The following HK2 variants were observed in gnomAD, a reference collection of about 807,000 sequenced individuals.
The protein encoded by HK2 is hexokinase-2.
A neutral mutation model predicts 92.9 loss-of-function variants in HK2; 42 were observed. The ratio of observed to expected loss-of-function variants is 0.45; its 90% CI spans 0.35 to 0.58. The LOEUF is 0.58. Ranked by LOEUF, HK2 falls within the 20% of genes least tolerant of loss-of-function variation. HK2 has a pLI of 0.00. For missense variants in HK2, 978 were observed against 1,245.1 expected (o/e 0.79, Z 3.23); for synonymous variants, 422 against 468.0 (o/e 0.90, Z 1.27).
rs114255614 is a variant in HK2, at chr2:74,858,515, T to C, written c.226+4060T>C. ...CGGTTTTCTGAGAATTAAGGGAGAA[T>C]CAGATATGTGACTTTCTCACATGTG... On this transcript the variant is annotated intron_variant, in intron 2 of 17. Coordinates refer to ENST00000290573, the MANE Select transcript of HK2 (RefSeq NM_000189.5). Among the ~76,000 whole-genome samples the C allele has an allele frequency of 9.9e-3, 1,505 of 152,268 alleles. 11 individuals carry two copies. The highest frequency in any genetic ancestry group is 0.016 in the Non-Finnish European group (1,108 of 68,026).
chr2:74,866,343 G>A lies in HK2; in HGVS notation c.227-1293G>A, dbSNP rs148783167. On this transcript the variant is annotated intron_variant, in intron 2 of 17. Transcript: ENST00000290573. The stretch of plus-strand genomic sequence containing the variant: ...AAAGGGGTTGAGTGTTGACAAACAT[G>A]CCAATAAGTGAACCCCCCAGGAAAT... Among the ~76,000 whole-genome samples, 242 of 152,294 alleles carry A rather than the reference G, an allele frequency of 1.6e-3. 1 individual carries two copies. Among genetic ancestry groups the A allele is most frequent in the Non-Finnish European group, 2.7e-3 (181 of 68,036 alleles).
At chr2:74,884,864 GC>G (rs1056023220) in intron 12 of HK2, among the ~76,000 whole-genome samples, 1 of 152,194 alleles carries the variant, frequency 6.6e-6, no homozygotes, top group African/African-American at 2.4e-5. Flanking sequence ...AAGGCAAGGG[GC>G]CACTGAGGAT....
intron 6 of HK2, 25 bp from the exon 7 acceptor site, chr2:74,874,241 G>C (rs1689169444): frequency 1.2e-6 from 2 of 1,613,802 alleles, no homozygotes; most frequent in African/African-American, 1.3e-5. Flanking sequence ...GCAGGCGTGT[G>C]CATAGCCGTC....
chr2:74,839,877 C>G (rs1216122019), intron 1 of HK2, among the ~76,000 whole-genome samples: 4 of 150,322 alleles, frequency 2.7e-5, no homozygotes, highest in African/African-American at 9.8e-5. Context: ...TGGTCTCGAT[C>G]TCTTGACCTC....
At position 74,890,905 on chromosome 2, in the gene HK2, T is replaced by C. The variant is rs778357722; in HGVS notation, c.2718T>C (p.Ala906=). ...GSGKGAALIT[A]VACRIREAGQ... ...GGAAGGGGGCGGCGCTCATCACTGCTGTGGCCTGCCGCATCCGTGAGGCTG... is the reference window on the plus strand; with the variant it reads ...GGAAGGGGGCGGCGCTCATCACTGCCGTGGCCTGCCGCATCCGTGAGGCTG... The change falls in exon 18 of 18, where the codon GCT becomes GCC. Residue 906 remains alanine, a synonymous_variant. Transcript: ENST00000290573. 1 of 1,614,234 alleles carries C rather than the reference T, an allele frequency of 6.2e-7. No individual in the cohort carries two copies.
chr2:74,886,450 G>C, intron 14 of HK2, 40 bp from the exon 15 acceptor site: 1 of 1,614,036 alleles, frequency 6.2e-7, no homozygotes, highest in Non-Finnish European at 8.5e-7. Flanking sequence ...GTGTGGAGGG[G>C]TTGGTGCTGA....
intron 12 of HK2, among the ~76,000 whole-genome samples, chr2:74,883,459 T>TCC (rs1689448981): frequency 6.6e-6 from 1 of 151,834 alleles, no homozygotes; most frequent in Admixed American, 6.6e-5. Context: ...GTGGAGAGGG[T>TCC]CATGTAGGTG....
At chr2:74,871,880 CT>C (rs1354160399) in intron 3 of HK2, among the ~76,000 whole-genome samples, 1 of 152,192 alleles carries the variant, frequency 6.6e-6, no homozygotes. Flanking sequence ...GCAAGATGGG[CT>C]GGCCTTTGGT....
chr2:74,885,439 A>G (rs2104006896), intron 12 of HK2, 55 bp from the exon 13 acceptor site: 1 of 1,273,978 alleles, frequency 7.8e-7, no homozygotes, highest in East Asian at 2.3e-5. Context: ...GACCCCCAGA[A>G]CTGACCTGGG....
intron 16 of HK2, 130 bp from the exon 17 acceptor site, chr2:74,889,115 C>T (rs1166209402): frequency 3.9e-6 from 3 of 761,292 alleles, no homozygotes; most frequent in Admixed American, 2.0e-5. Flanking sequence ...TGGGAACCAC[C>T]TCGAGGGGCC....
intron 2 of HK2, among the ~76,000 whole-genome samples, chr2:74,861,839 G>A (rs1168399344): frequency 6.6e-6 from 1 of 152,204 alleles, no homozygotes; most frequent in Non-Finnish European, 1.5e-5. Context: ...AGTAACTGTG[G>A]TGCCTTTATC....
chr2:74,883,013 C>T (rs1220091714), intron 12 of HK2, among the ~76,000 whole-genome samples: 2 of 152,144 alleles, frequency 1.3e-5, no homozygotes, highest in African/African-American at 2.4e-5. Flanking sequence ...GGATCTGGCA[C>T]TCCCAGATGT....
chr2:74,889,643 CTG>C (rs1689628302), intron 17 of HK2, among the ~76,000 whole-genome samples, 165 bp downstream of exon 17: 1 of 152,114 alleles, frequency 6.6e-6, no homozygotes, highest in Non-Finnish European at 1.5e-5. Context: ...AGAAGTAGGC[CTG>C]TGTTTCACCC....
In HK2 at chr2:74,877,252, G is replaced by T. The variant is rs36066402; in HGVS notation, c.962G>T (p.Gly321Val). 2.5e-5 allele frequency: 41 copies of T among 1,614,044 alleles called. No individual in the cohort carries two copies. The highest frequency in any genetic ancestry group is 8.9e-5 in the East Asian group (4 of 44,894). Residue 321 changes from glycine to valine, a missense_variant, in exon 8 of 18, where the codon GGG becomes GTG. By Grantham distance (109) the Gly-to-Val change is moderately radical. Coordinates refer to ENST00000290573, the MANE Select transcript of HK2 (RefSeq NM_000189.5). ...VKMAKEELLF[G>V]GKLSPELLNT... ...ATGGCCAAGGAGGAGCTGCTCTTTG[G>T]GGGGAAGCTCAGCCCAGAGCTTCTC...
chr2:74,887,816 A>C, intron 15 of HK2, 87 bp from the exon 16 acceptor site: 1 of 1,239,646 alleles, frequency 8.1e-7, no homozygotes, highest in South Asian at 1.2e-5. Flanking sequence ...CTGCTGATGC[A>C]CTGGGGGTGA....
In HK2 at chr2:74,834,640, G is replaced by T. The variant is rs371706829; in HGVS notation, c.60G>T (p.Gln20His). Residue 20 changes from glutamine (Q) to histidine (H), a missense_variant, in exon 1 of 18, where the codon CAG (glutamine) becomes CAT (histidine). Physicochemically the swap from Gln to His is conservative, Grantham distance 24. Around this residue, in one of 3 missense-constraint regions of HK2, gnomAD observed 47 missense variants for 33.1 expected, o/e 1.42. Transcript: ENST00000290573. This position sits in a 1 kb window ranked among gnomAD's most constrained non-coding sequence, Gnocchi z 4.2. Reference protein sequence around the residue: ...FFTELNHDQVQKVDQYLYHMR... With the variant: ...FFTELNHDQVHKVDQYLYHMR... ...CGGAGCTCAACCATGACCAAGTGCA[G>T]AAGGTAAGTCAGCGCGGGCGGGGCG... 1.9e-5 allele frequency: 30 copies of T among 1,613,852 alleles called. No homozygotes were observed. Among genetic ancestry groups the T allele is most frequent in the Non-Finnish European group, 1.5e-5 (18 of 1,179,882 alleles).
intron 5 of HK2, 102 bp downstream of exon 5, chr2:74,873,473 T>G (rs987383533): frequency 1.3e-6 from 1 of 765,002 alleles, no homozygotes; most frequent in Non-Finnish European, 2.3e-6. Context: ...TACGTGGAGC[T>G]TAAGGAGAGT....
intron 1 of HK2, among the ~76,000 whole-genome samples, chr2:74,846,645 G>A (rs973835704): frequency 2.0e-5 from 3 of 152,148 alleles, no homozygotes; most frequent in Non-Finnish European, 4.4e-5. Context: ...ACTATCTCTT[G>A]CACCACTCTG....
At chr2:74,841,558 G>A (rs1573352666) in intron 1 of HK2, among the ~76,000 whole-genome samples, 1 of 152,166 alleles carries the variant, frequency 6.6e-6, no homozygotes. Flanking sequence ...GTTGTCAACA[G>A]TGTGCCATGT....
Sources: gnomAD v4.1 joint callset for allele counts (sites outside exome capture counted in the v4.1 genomes callset) on GRCh38, gnomAD v4.1.1 for gene constraint, gnomAD v4.1.1 regional missense constraint, Gnocchi (gnomAD v3.1) non-coding constraint, MANE v1.5 for transcripts, NCBI Gene and HGNC (gene_info 2026-07-23, HGNC 2026-07-21) for gene names.